Variants in CEP170 observed in about 807,000 individuals in gnomAD.
The protein encoded by CEP170 is centrosomal protein 170.
CEP170 carries 21 observed loss-of-function variants against 151.9 expected under a neutral mutation model. That is an observed-to-expected ratio of 0.14 (90% CI 0.10 to 0.20). The LOEUF is 0.20. CEP170 is among the 10% of genes least tolerant of loss of function. The pLI, the probability that CEP170 is intolerant of heterozygous loss-of-function variation, is 1.00. For synonymous variants in CEP170, 356 were observed against 648.8 expected, an observed-to-expected ratio of 0.55 and a Z score of 6.86; for missense variants, 964 against 1,892.9, an observed-to-expected ratio of 0.51 and a Z score of 9.11.
intron 10 of CEP170, among the ~76,000 whole-genome samples, chr1:243,178,163 T>A (rs1374857898): frequency 6.6e-6 from 1 of 151,768 alleles, no homozygotes; most frequent in Non-Finnish European, 1.5e-5. Flanking sequence ...ACCCCATCTA[T>A]ACTAAAAATA....
At chr1:243,208,811 T>G (rs1222231385) in intron 4 of CEP170, among the ~76,000 whole-genome samples, 4 of 152,220 alleles carry the variant, frequency 2.6e-5, no homozygotes, top group Non-Finnish European at 5.9e-5. Context: ...TCAACCCCAC[T>G]AAAGTGTAGG....
chr1:243,130,083 A>T (rs1268050876), intron 17 of CEP170, among the ~76,000 whole-genome samples: 1 of 152,170 alleles, frequency 6.6e-6, no homozygotes, highest in East Asian at 1.9e-4. Flanking sequence ...TTGGAACAAC[A>T]TGTATCACCT....
intron 1 of CEP170, among the ~76,000 whole-genome samples, chr1:243,228,387 T>G (rs2063470444): frequency 6.6e-6 from 1 of 152,252 alleles, no homozygotes; most frequent in South Asian, 2.1e-4. Context: ...AACTTCTTAA[T>G]GCAGATGTTG....
rs1012514853 is a variant in CEP170, at chr1:243,124,790, T to C, written c.*1659A>G. 6.6e-6 allele frequency: 1 copy of C among 152,618 alleles called. No individual in the cohort carries two copies. The highest frequency in any genetic ancestry group is 2.4e-5 in the African/African-American group (1 of 41,456). 9.5% of individuals were successfully genotyped at this position (152,618 alleles called of 1,614,324 possible). A position where few individuals can be genotyped will look rare whatever the true frequency, so the allele number is the denominator to read the frequency against. On this transcript the variant is annotated 3_prime_UTR_variant, in exon 20 of 20. Coordinates refer to ENST00000366542, the MANE Select transcript of CEP170 (RefSeq NM_014812.3). ...TATTCCTTCAAAGCATTTGTATCTT[T>C]CCATTTATGTTCTTTAAAACCTTTT...
intron 13 of CEP170, among the ~76,000 whole-genome samples, chr1:243,159,355 C>A (rs191213706): frequency 2.8e-3 from 430 of 152,200 alleles, no homozygotes; most frequent in Non-Finnish European, 4.8e-3. Context: ...ATGATGGCTA[C>A]TGGTGGAGAA....
At chr1:243,193,099 G>A (rs552001865) in intron 7 of CEP170, among the ~76,000 whole-genome samples, 1 of 152,184 alleles carries the variant, frequency 6.6e-6, no homozygotes, top group East Asian at 1.9e-4. Flanking sequence ...TTAAAAAAAT[G>A]TTTGATTAAA....
chr1:243,192,256 T>C (rs1319328897), intron 7 of CEP170, among the ~76,000 whole-genome samples: 1 of 152,128 alleles, frequency 6.6e-6, no homozygotes, highest in Non-Finnish European at 1.5e-5. Flanking sequence ...AGTGTCAAAA[T>C]TCCTTGGAGG....
At chr1:243,163,558 C>T (rs931724636) in intron 13 of CEP170, among the ~76,000 whole-genome samples, 1 of 152,180 alleles carries the variant, frequency 6.6e-6, no homozygotes, top group Non-Finnish European at 1.5e-5. Context: ...TTCAATTACA[C>T]CTAATTACTA....
In CEP170 at chr1:243,126,012, C is replaced by T; in HGVS notation, c.*437G>A. 2 of 398,608 alleles carry T rather than the reference C, an allele frequency of 5.0e-6. No individual in the cohort carries two copies. The highest frequency in any genetic ancestry group is 7.1e-5 in the Admixed American group (2 of 28,130). The allele number at this position is 398,608 out of a possible 1,614,324, so 24.7% of individuals were successfully genotyped here. ...TAATATAAATCCTATTATTAAGAAG[C>T]AAATAGAATGGTTTAACAAATCTGT... On this transcript the variant is annotated 3_prime_UTR_variant, in exon 20 of 20. Coordinates refer to ENST00000366542, the MANE Select transcript of CEP170 (RefSeq NM_014812.3).
chr1:243,189,537 C>G (rs1199373448), intron 8 of CEP170, among the ~76,000 whole-genome samples: 2 of 109,856 alleles, frequency 1.8e-5, no homozygotes, highest in Admixed American at 2.5e-4. Context: ...GCCTGAGTGA[C>G]AAAGCGAGAC....
intron 8 of CEP170, among the ~76,000 whole-genome samples, chr1:243,186,908 C>T (rs889346586): frequency 6.6e-6 from 1 of 152,192 alleles, no homozygotes; most frequent in Admixed American, 6.5e-5. Flanking sequence ...TCTTAAGCTT[C>T]ACTGATGTTC....
intron 3 of CEP170, among the ~76,000 whole-genome samples, chr1:243,217,293 G>A (rs2062386050): frequency 6.6e-6 from 1 of 152,156 alleles, no homozygotes; most frequent in Non-Finnish European, 1.5e-5. Flanking sequence ...ATGTCTGGTA[G>A]GCAAAAGATA....
chr1:243,138,716 A>C (rs2055436962), intron 16 of CEP170, among the ~76,000 whole-genome samples: 1 of 151,740 alleles, frequency 6.6e-6, no homozygotes, highest in African/African-American at 2.4e-5. Context: ...CAGTTTATAC[A>C]TTCACTTTTC....
chr1:243,168,402 T>A (rs938038720), intron 12 of CEP170: 6 of 152,074 alleles, frequency 3.9e-5, no homozygotes, highest in Non-Finnish European at 7.4e-5. Flanking sequence ...TTTTGCTTTT[T>A]AACTGTAAGT....
intron 17 of CEP170, among the ~76,000 whole-genome samples, chr1:243,132,999 G>C (rs535291156): frequency 1.3e-5 from 2 of 152,226 alleles, no homozygotes; most frequent in South Asian, 4.2e-4. Context: ...GGATATATTA[G>C]CTTCCTATGG....
At chr1:243,157,892 C>T (rs2057702951) in intron 13 of CEP170, among the ~76,000 whole-genome samples, 1 of 152,170 alleles carries the variant, frequency 6.6e-6, no homozygotes, top group South Asian at 2.1e-4. Context: ...GAACTAGATT[C>T]ATTCATAGGT....
At chr1:243,145,571 C>G (rs554199277) in intron 14 of CEP170, among the ~76,000 whole-genome samples, 56 of 152,306 alleles carry the variant, frequency 3.7e-4, no homozygotes, top group African/African-American at 1.3e-3. Context: ...CTACGCCCAG[C>G]CAAAAATTTG....
intron 14 of CEP170, 46 bp from the exon 15 acceptor site, chr1:243,142,509 A>G (rs1175747707): frequency 1.0e-5 from 16 of 1,552,240 alleles, no homozygotes; most frequent in Non-Finnish European, 1.4e-5. Flanking sequence ...TTAAATAAAC[A>G]GCTCTAAAAA....
intron 7 of CEP170, among the ~76,000 whole-genome samples, chr1:243,192,635 C>G (rs1283696718): frequency 1.3e-5 from 2 of 152,316 alleles, no homozygotes; most frequent in Non-Finnish European, 2.9e-5. Flanking sequence ...TACAGGGAGA[C>G]TAGGTTGTTT....
Sources: allele counts gnomAD v4.1 joint callset (sites outside exome capture counted in the v4.1 genomes callset), GRCh38; gene constraint gnomAD v4.1.1; transcripts MANE v1.5; gene names NCBI Gene and HGNC (gene_info 2026-07-23, HGNC 2026-07-21).